IGSF11: variants seen among roughly 807,000 people sequenced by gnomAD.
The protein encoded by IGSF11 is CXADR like 1.
A neutral mutation model predicts 41.0 loss-of-function variants in IGSF11; 22 were observed. The ratio of observed to expected loss-of-function variants is 0.54; its 90% CI spans 0.38 to 0.77. The LOEUF is 0.77. Ranked by LOEUF, IGSF11 falls within the 30% of genes least tolerant of loss-of-function variation. The probability of loss-of-function intolerance (pLI) is 0.00; values close to 1 mark genes in which losing one functional copy is unlikely to be tolerated. For synonymous variants in IGSF11, 219 were observed against 201.3 expected (o/e 1.09, Z -0.74); for missense variants, 444 against 530.8 (o/e 0.84, Z 1.61).
chr3:119,047,671 C>A (rs1941422382), intron 1 of IGSF11, among the ~76,000 whole-genome samples: 1 of 152,108 alleles, frequency 6.6e-6, no homozygotes. Flanking sequence ...CAGAACTCTC[C>A]ACCCCAAATC....
At chr3:119,141,488 G>A (rs1279687201) in intron 1 of IGSF11, among the ~76,000 whole-genome samples, 1 of 151,088 alleles carries the variant, frequency 6.6e-6, no homozygotes, top group Non-Finnish European at 1.5e-5. Context: ...TTTAAAGGTT[G>A]TTTTTTCAAA....
intron 1 of IGSF11, chr3:118,947,672 A>C (rs982294710): frequency 1.3e-5 from 2 of 152,202 alleles, no homozygotes; most frequent in African/African-American, 4.8e-5. Flanking sequence ...ACACCTTTGT[A>C]ACCAGCACAT....
chr3:118,969,121 A>G (rs1261595968), intron 1 of IGSF11, among the ~76,000 whole-genome samples: 2 of 148,480 alleles, frequency 1.3e-5, no homozygotes, highest in Non-Finnish European at 2.9e-5. Flanking sequence ...CGAGTTGGAG[A>G]AAAAAAACAC....
intron 1 of IGSF11, among the ~76,000 whole-genome samples, chr3:119,101,412 G>A (rs984912373): frequency 1.3e-5 from 2 of 152,244 alleles, no homozygotes; most frequent in South Asian, 2.1e-4. Flanking sequence ...GGGAGGCTGA[G>A]GCAGGAGAAT....
intron 1 of IGSF11, among the ~76,000 whole-genome samples, chr3:118,939,175 T>C (rs1362376522): frequency 6.6e-6 from 1 of 152,158 alleles, no homozygotes; most frequent in Admixed American, 6.5e-5. Context: ...TTCTGGACTA[T>C]AAAATGAACT....
chr3:119,097,957 AT>A lies in IGSF11; in HGVS notation c.49+7186del, dbSNP rs377746200. 6.0e-3 allele frequency among the ~76,000 whole-genome samples: 347 copies of A among 58,316 alleles called. 4 individuals carry two copies. The highest frequency in any genetic ancestry group is 0.016 in the African/African-American group (286 of 17,494). The allele number at this position is 58,316 out of a possible 152,430, so 38.3% of individuals were successfully genotyped here. On this transcript the variant is annotated intron_variant, in intron 1 of 6. Transcript: ENST00000354673. The stretch of plus-strand genomic sequence containing the variant: ...AGGCACATGCCACCACATTCAGCTA[AT>A]TTTTTTTTTTTTTTTTTTTTTTTTT...
At chr3:118,995,715 T>C (rs1020058779) in intron 1 of IGSF11, among the ~76,000 whole-genome samples, 3 of 152,150 alleles carry the variant, frequency 2.0e-5, no homozygotes, top group African/African-American at 7.2e-5. Flanking sequence ...TGCAATGGCA[T>C]GATCTCAGCT....
upstream of IGSF11, among the ~76,000 whole-genome samples, chr3:119,037,311 C>T (rs2050984560): frequency 6.6e-6 from 1 of 152,198 alleles, no homozygotes; most frequent in Non-Finnish European, 1.5e-5. Flanking sequence ...TTAATCTTCA[C>T]AGCAAACCCA....
intron 4 of IGSF11, among the ~76,000 whole-genome samples, chr3:118,911,683 A>G (rs1940320595): frequency 6.6e-6 from 1 of 151,858 alleles, no homozygotes; most frequent in Non-Finnish European, 1.5e-5. Flanking sequence ...GAGAGAGGAG[A>G]GAGAAGAGAT....
chr3:118,937,182 A>G (rs954977437), intron 1 of IGSF11, among the ~76,000 whole-genome samples: 2 of 152,236 alleles, frequency 1.3e-5, no homozygotes, highest in African/African-American at 4.8e-5. Flanking sequence ...TAAAATGTCA[A>G]TATCAGTGGT....
chr3:119,056,784 G>A (rs1183266853), intron 1 of IGSF11, among the ~76,000 whole-genome samples: 1 of 152,082 alleles, frequency 6.6e-6, no homozygotes, highest in Non-Finnish European at 1.5e-5. Flanking sequence ...ATGATCAAGT[G>A]GGCTTCATCC....
chr3:119,067,176 A>C (rs1559847783), intron 1 of IGSF11, among the ~76,000 whole-genome samples: 1 of 152,264 alleles, frequency 6.6e-6, no homozygotes, highest in East Asian at 1.9e-4. Flanking sequence ...CTTTCACCAA[A>C]GAGTTTCTTC....
At chr3:119,005,559 C>T (rs1424757561) in intron 1 of IGSF11, among the ~76,000 whole-genome samples, 38 of 120,654 alleles carry the variant, frequency 3.1e-4, no homozygotes, top group East Asian at 1.8e-3. Context: ...TTCCTAGTCT[C>T]GATGGTCTTT....
At chr3:118,904,841 G>C (rs1939379745) in intron 5 of IGSF11, 43 bp from the exon 6 acceptor site, 2 of 1,527,580 alleles carry the variant, frequency 1.3e-6, no homozygotes, top group Non-Finnish European at 1.8e-6. Flanking sequence ...AAGAGAAAGA[G>C]AGAAATAGCA....
chr3:118,986,350 CT>C lies in IGSF11; in HGVS notation c.52+48180del, dbSNP rs1239043662. On this transcript the variant is annotated intron_variant, in intron 1 of 6. Transcript: ENST00000393775. ...ACTGTAAATTTCTAAAAGAAGCTGC[CT>C]TCTCCACTCACAGTGCCTGGTATGC... 3.3e-5 allele frequency among the ~76,000 whole-genome samples: 5 copies of C among 152,310 alleles called. 1 individual carries two copies. The highest frequency in any genetic ancestry group is 1.9e-4 in the East Asian group (1 of 5,186).
chr3:119,035,795 C>A (rs181640967), upstream of IGSF11, among the ~76,000 whole-genome samples: 5 of 152,282 alleles, frequency 3.3e-5, no homozygotes, highest in Admixed American at 2.6e-4. Flanking sequence ...AGCCTCCAAA[C>A]TGAGCCTTCT....
At chr3:118,989,281 A>C (rs551212877) in intron 1 of IGSF11, among the ~76,000 whole-genome samples, 6 of 152,074 alleles carry the variant, frequency 3.9e-5, no homozygotes, top group Non-Finnish European at 8.8e-5. Flanking sequence ...CAGACCTGTG[A>C]ATTGTTGGTT....
At chr3:119,135,516 T>C (rs2077548610) in intron 1 of IGSF11, among the ~76,000 whole-genome samples, 1 of 152,102 alleles carries the variant, frequency 6.6e-6, no homozygotes, top group Admixed American at 6.5e-5. Context: ...CAATGAGATA[T>C]CATCTCACGC....
At chr3:119,057,642 C>A (rs569441317) in intron 1 of IGSF11, among the ~76,000 whole-genome samples, 1 of 152,108 alleles carries the variant, frequency 6.6e-6, no homozygotes, top group Non-Finnish European at 1.5e-5. Flanking sequence ...CATGTGGAAC[C>A]AAAAAAGAAC....
Sources: allele counts gnomAD v4.1 joint callset (sites outside exome capture counted in the v4.1 genomes callset), GRCh38; gene constraint gnomAD v4.1.1; transcripts MANE v1.5; gene names NCBI Gene and HGNC (gene_info 2026-07-23, HGNC 2026-07-21).